CNTNAP2: variants seen among roughly 807,000 people sequenced by gnomAD.
CNTNAP2 encodes the protein contactin-associated protein-like 2.
Under a neutral mutation model 155.2 loss-of-function variants are expected in CNTNAP2, and 98 were observed. The ratio of observed to expected loss-of-function variants is 0.63; its 90% CI spans 0.54 to 0.75. The LOEUF is 0.75. CNTNAP2 is among the 30% of genes least tolerant of loss of function. CNTNAP2 has a pLI of 0.00. For synonymous variants in CNTNAP2, 651 were observed against 631.2 expected, an observed-to-expected ratio of 1.03 and a Z score of -0.47; for missense variants, 1,727 against 1,688.1, an observed-to-expected ratio of 1.02 and a Z score of -0.40.
intron 3 of CNTNAP2, among the ~76,000 whole-genome samples, chr7:146,950,789 A>G (rs1054113753): frequency 6.6e-6 from 1 of 152,086 alleles, no homozygotes; most frequent in Non-Finnish European, 1.5e-5. Flanking sequence ...AATGATTTAT[A>G]ATCCTTTGGG....
chr7:148,234,442 A>G (rs548364263), intron 20 of CNTNAP2, among the ~76,000 whole-genome samples: 17 of 152,366 alleles, frequency 1.1e-4, no homozygotes, highest in African/African-American at 3.8e-4. Context: ...GAAACATTAC[A>G]AATTTCGACA....
rs561311862 is a variant in CNTNAP2, at chr7:147,616,550, GC to G, written c.1898-22554del. 1.9e-3 allele frequency among the ~76,000 whole-genome samples: 293 copies of G among 151,828 alleles called. 3 individuals carry two copies. The highest frequency in any genetic ancestry group is 6.6e-3 in the African/African-American group (274 of 41,366). ...TTCCTGCTTCATGGCCTTTCCATTT[GC>G]CATTAGTTCATCTTAGATTACTCTT... On this transcript the variant is annotated intron_variant, in intron 12 of 23. Transcript: ENST00000361727.
At chr7:146,759,759 A>G (rs1802059527) in intron 1 of CNTNAP2, among the ~76,000 whole-genome samples, 2 of 150,870 alleles carry the variant, frequency 1.3e-5, no homozygotes, top group Non-Finnish European at 3.0e-5. Flanking sequence ...CTCAGAAGTT[A>G]TAAATGGATG....
intron 1 of CNTNAP2, among the ~76,000 whole-genome samples, chr7:146,362,917 T>C (rs1426094816): frequency 1.3e-5 from 2 of 151,914 alleles, no homozygotes; most frequent in African/African-American, 4.8e-5. Context: ...ACTACAGGCG[T>C]GTGCCACCAC....
chr7:146,954,958 G>T (rs2129228874), intron 3 of CNTNAP2, among the ~76,000 whole-genome samples: 1 of 152,002 alleles, frequency 6.6e-6, no homozygotes, highest in African/African-American at 2.4e-5. Context: ...TAGAAAGAGA[G>T]AGGAAGTAGA....
At chr7:147,099,863 A>G (rs1457926560) in intron 4 of CNTNAP2, among the ~76,000 whole-genome samples, 9 of 152,182 alleles carry the variant, frequency 5.9e-5, no homozygotes, top group Admixed American at 5.9e-4. Context: ...TTGTAGAGCT[A>G]TTTTCAGTAA....
At chr7:146,845,610 AC>A (rs1346131456) in intron 3 of CNTNAP2, among the ~76,000 whole-genome samples, 1 of 152,098 alleles carries the variant, frequency 6.6e-6, no homozygotes, top group Non-Finnish European at 1.5e-5. Flanking sequence ...ATTTTTAGTC[AC>A]CCTCTATGTT....
chr7:146,334,259 G>A (rs1022147724), intron 1 of CNTNAP2, among the ~76,000 whole-genome samples: 6 of 152,002 alleles, frequency 3.9e-5, no homozygotes, highest in Admixed American at 1.3e-4. Context: ...GTGAAACCCC[G>A]TCTCTACTAA....
chr7:148,158,482 A>G (rs1025563534), intron 17 of CNTNAP2, among the ~76,000 whole-genome samples: 11 of 152,152 alleles, frequency 7.2e-5, no homozygotes, highest in Admixed American at 1.3e-4. Context: ...CAGCTTCCCA[A>G]GGTGCTAGGA....
chr7:146,282,381 T>C (rs1324867841), intron 1 of CNTNAP2, among the ~76,000 whole-genome samples: 3 of 152,354 alleles, frequency 2.0e-5, no homozygotes, highest in African/African-American at 7.2e-5. Context: ...TGTGACCTTG[T>C]CTGTCTCTCC....
At chr7:146,311,607 C>CAAAAAAAAAAAAAAAA (rs71175646) in intron 1 of CNTNAP2, 4 of 38,934 alleles carry the variant, frequency 1.0e-4, no homozygotes, top group African/African-American at 1.4e-4. Context: ...CTTGTCTTTA[C>CAAAAAAAAAAAAAAAA]AAAAAAAAAA....
In CNTNAP2 at chr7:147,403,912, G is replaced by T. The variant is rs980150260; in HGVS notation, c.1670+8132G>T. Among the ~76,000 whole-genome samples the T allele has an allele frequency of 2.7e-4, 41 of 152,060 alleles. 1 individual carries two copies. The highest frequency in any genetic ancestry group is 9.7e-4 in the African/African-American group (40 of 41,408). ...ACCTGAATCTTGCTGACTCCAAACT[G>T]CTACCCTCTAGGTCGGACACCTCCT... is the stretch of plus-strand genomic sequence containing the variant. On this transcript the variant is annotated intron_variant, in intron 10 of 23. Transcript: ENST00000361727.
chr7:146,266,769 C>A (rs541120081), intron 1 of CNTNAP2, among the ~76,000 whole-genome samples: 1 of 151,960 alleles, frequency 6.6e-6, no homozygotes, highest in Non-Finnish European at 1.5e-5. Flanking sequence ...CTTTAAATTG[C>A]ACATGTGACA....
At chr7:147,669,596 G>T (rs1660134160) in intron 13 of CNTNAP2, among the ~76,000 whole-genome samples, 1 of 152,156 alleles carries the variant, frequency 6.6e-6, no homozygotes, top group East Asian at 1.9e-4. Context: ...CTAGTTTATT[G>T]GTAGTCGTTA....
chr7:148,315,402 T>TG (rs530089495), intron 21 of CNTNAP2, among the ~76,000 whole-genome samples: 286 of 150,424 alleles, frequency 1.9e-3, no homozygotes, highest in Non-Finnish European at 3.3e-3. Context: ...CGGGCAGGAG[T>TG]GGGGGTCACA....
At chr7:146,554,431 A>C (rs866339879) in intron 1 of CNTNAP2, among the ~76,000 whole-genome samples, 1 of 152,172 alleles carries the variant, frequency 6.6e-6, no homozygotes, top group Admixed American at 6.5e-5. Flanking sequence ...ATTTTTTTGC[A>C]ATCCTTCATA....
chr7:147,126,368 T>A (rs1265014366), intron 6 of CNTNAP2, among the ~76,000 whole-genome samples: 1 of 152,232 alleles, frequency 6.6e-6, no homozygotes, highest in Non-Finnish European at 1.5e-5. Flanking sequence ...AATAATTGAA[T>A]ATTAATCGGA....
chr7:147,639,083 C>T (rs756161422), intron 12 of CNTNAP2, 23 bp from the exon 13 acceptor site: 1 of 1,611,608 alleles, frequency 6.2e-7, no homozygotes, highest in East Asian at 2.2e-5. Context: ...GATCCAGGGT[C>T]CTGGTTGTTT....
At chr7:146,486,451 A>G (rs1044714613) in intron 1 of CNTNAP2, among the ~76,000 whole-genome samples, 2 of 152,168 alleles carry the variant, frequency 1.3e-5, no homozygotes, top group Non-Finnish European at 2.9e-5. Context: ...AAGCAAAAAA[A>G]TAAAAAGTTA....
Sources: allele counts gnomAD v4.1 joint callset (sites outside exome capture counted in the v4.1 genomes callset), GRCh38; gene constraint gnomAD v4.1.1; transcripts MANE v1.5; gene names NCBI Gene and HGNC (gene_info 2026-07-23, HGNC 2026-07-21).